The following NDST1 variants were observed in gnomAD, a reference collection of about 807,000 sequenced individuals.
The protein encoded by NDST1 is bifunctional heparan sulfate N-deacetylase/N-sulfotransferase 1.
NDST1 carries 35 observed loss-of-function variants against 92.8 expected under a neutral mutation model. That is an observed-to-expected ratio of 0.38 (90% confidence interval 0.29 to 0.50). The LOEUF is 0.50. Among genes scored for constraint, NDST1 ranks in the 20% least tolerant of loss-of-function variants. NDST1 has a pLI of 0.94. For synonymous variants in NDST1, 493 were observed against 500.3 expected, an observed-to-expected ratio of 0.99 and a Z score of 0.19; for missense variants, 822 against 1,182.7, an observed-to-expected ratio of 0.69 and a Z score of 4.47.
intron 11 of NDST1, 39 bp downstream of exon 11, chr5:150,545,525 C>T (rs776297388): frequency 2.6e-5 from 42 of 1,609,750 alleles, no homozygotes; most frequent in South Asian, 1.9e-4. Flanking sequence ...GTCGGGAACA[C>T]AGGGCTCCGT....
intron 1 of NDST1, among the ~76,000 whole-genome samples, chr5:150,499,684 C>G (rs74877579): frequency 1.3e-5 from 2 of 152,118 alleles, no homozygotes; most frequent in African/African-American, 4.8e-5. Context: ...CTGTGACCCT[C>G]GAATCCTCCC....
chr5:150,551,934 C>T (rs968029723), intron 14 of NDST1, 79 bp downstream of exon 14: 6 of 1,574,644 alleles, frequency 3.8e-6, no homozygotes, highest in Admixed American at 1.8e-5. Flanking sequence ...GATTCTCTTT[C>T]CTTTACCATG....
intron 2 of NDST1, among the ~76,000 whole-genome samples, chr5:150,524,990 G>A (rs1754405462): frequency 6.6e-6 from 1 of 152,240 alleles, no homozygotes; most frequent in Admixed American, 6.5e-5. Flanking sequence ...GGGAGCCTGA[G>A]GCTCAGAGAG....
chr5:150,518,074 C>A (rs1754064215), intron 1 of NDST1, among the ~76,000 whole-genome samples: 1 of 152,210 alleles, frequency 6.6e-6, no homozygotes, highest in African/African-American at 2.4e-5. Flanking sequence ...ACACCTGCTC[C>A]TTCTTGCCCT....
intron 10 of NDST1, among the ~76,000 whole-genome samples, chr5:150,543,310 C>A (rs1581402500): frequency 6.6e-6 from 1 of 152,362 alleles, no homozygotes; most frequent in East Asian, 1.9e-4. Context: ...AATGTTCTGG[C>A]TCTCCTCACT....
intron 2 of NDST1, among the ~76,000 whole-genome samples, chr5:150,522,500 T>G (rs567417871): frequency 2.0e-5 from 3 of 152,302 alleles, no homozygotes; most frequent in African/African-American, 7.2e-5. Flanking sequence ...AAGTCTGACC[T>G]GCAAGATGAA....
At chr5:150,514,436 T>C (rs572338631) in intron 1 of NDST1, among the ~76,000 whole-genome samples, 125 of 151,896 alleles carry the variant, frequency 8.2e-4, no homozygotes, top group African/African-American at 2.4e-3. Flanking sequence ...TGGTGGGTGC[T>C]TGTAATCCCA....
At chr5:150,523,932 T>C (rs1443466320) in intron 2 of NDST1, among the ~76,000 whole-genome samples, 2 of 152,214 alleles carry the variant, frequency 1.3e-5, no homozygotes, top group Non-Finnish European at 2.9e-5. Flanking sequence ...TCTGCTCAAA[T>C]GCATGCCCTC....
chr5:150,537,743 C>A (rs1268294874), intron 6 of NDST1, among the ~76,000 whole-genome samples: 1 of 152,192 alleles, frequency 6.6e-6, no homozygotes, highest in African/African-American at 2.4e-5. Flanking sequence ...TCGTACGCTC[C>A]CTCCCCTTTC....
chr5:150,535,644 A>G, intron 5 of NDST1, 56 bp from the exon 6 acceptor site: 1 of 1,595,090 alleles, frequency 6.3e-7, no homozygotes, highest in African/African-American at 1.3e-5. Flanking sequence ...AGGGGGGATA[A>G]GGCCCAAAGG....
At chr5:150,543,627 C>T (rs764184441) in intron 10 of NDST1, among the ~76,000 whole-genome samples, 4 of 152,218 alleles carry the variant, frequency 2.6e-5, no homozygotes, top group Non-Finnish European at 1.5e-5. Context: ...TAACAAGGTT[C>T]GAGGTGGGTA....
chr5:150,517,479 A>G (rs1754030855), intron 1 of NDST1, among the ~76,000 whole-genome samples: 1 of 152,012 alleles, frequency 6.6e-6, no homozygotes, highest in Non-Finnish European at 1.5e-5. Context: ...CCCTGCATTG[A>G]CACATCCTTA....
At chr5:150,545,568 A>G (rs1483163875) in intron 11 of NDST1, 82 bp downstream of exon 11, 3 of 1,538,404 alleles carry the variant, frequency 2.0e-6, no homozygotes, top group Non-Finnish European at 2.7e-6. Flanking sequence ...CTCAACAGAT[A>G]TTATTAGTAA....
intron 8 of NDST1, 118 bp from the exon 9 acceptor site, chr5:150,541,452 A>C (rs954348285): frequency 5.1e-5 from 44 of 860,292 alleles, no homozygotes; most frequent in Non-Finnish European, 8.1e-5. Flanking sequence ...TGACAAGGAC[A>C]CATGTAGCAT....
At chr5:150,540,525 A>G (rs1755199235) in intron 8 of NDST1, among the ~76,000 whole-genome samples, 1 of 152,178 alleles carries the variant, frequency 6.6e-6, no homozygotes, top group East Asian at 1.9e-4. Flanking sequence ...AGTGTTAAAA[A>G]AACGAGTGGG....
intron 11 of NDST1, among the ~76,000 whole-genome samples, chr5:150,547,608 A>G (rs1170056761): frequency 1.3e-5 from 2 of 152,140 alleles, no homozygotes; most frequent in Non-Finnish European, 2.9e-5. Flanking sequence ...CCTTTCTAAC[A>G]CTGTCAACCT....
intron 10 of NDST1, among the ~76,000 whole-genome samples, chr5:150,543,678 G>C (rs983784718): frequency 6.6e-6 from 1 of 152,204 alleles, no homozygotes; most frequent in Non-Finnish European, 1.5e-5. Flanking sequence ...CACGTGCATG[G>C]ACTGCAAAGT....
chr5:150,548,349 C>G lies in NDST1; in HGVS notation c.2277C>G (p.Thr759=). 1 of 1,613,670 alleles carries G rather than the reference C, an allele frequency of 6.2e-7. No homozygotes were observed. Among genetic ancestry groups the G allele is most frequent in the Non-Finnish European group, 8.5e-7 (1 of 1,180,020 alleles). The change falls in exon 12 of 15, where the codon ACC becomes ACG. Residue 759 remains threonine, a synonymous_variant. Transcript: ENST00000261797. The part of the protein sequence containing the change: ...NRCLVPGWYA[T]HIERWLSAYH... ...GCCTGGTCCCTGGCTGGTACGCCAC[C>G]CACATCGAGCGCTGGCTCAGTGCCT...
Position 150,535,022 on chromosome 5 carries a change from G to A in NDST1, c.1251+1G>A. Reference sequence around the variant, plus strand: ...GGCCTTGAACAAGAAGTTCGCTGTCGTGAGTAAGATTCCTTGCAGGGCAGA... The same window carrying A: ...GGCCTTGAACAAGAAGTTCGCTGTCATGAGTAAGATTCCTTGCAGGGCAGA... On this transcript the variant is annotated splice_donor_variant, in intron 5 of 14. Coordinates refer to ENST00000261797, the MANE Select transcript of NDST1 (RefSeq NM_001543.5). LOFTEE classifies it high-confidence loss of function. 4 of 1,613,648 alleles carry A rather than the reference G, an allele frequency of 2.5e-6. No individual in the cohort carries two copies. The highest frequency in any genetic ancestry group is 3.4e-6 in the Non-Finnish European group (4 of 1,179,738).
Sources: allele counts gnomAD v4.1 joint callset (sites outside exome capture counted in the v4.1 genomes callset), GRCh38; gene constraint gnomAD v4.1.1; transcripts MANE v1.5; gene names NCBI Gene and HGNC (gene_info 2026-07-23, HGNC 2026-07-21).